DCC: variants seen among roughly 807,000 people sequenced by gnomAD.
The protein encoded by DCC is netrin receptor DCC.
A neutral mutation model predicts 172.5 loss-of-function variants in DCC; 58 were observed. The ratio of observed to expected loss-of-function variants is 0.34; its 90% CI spans 0.27 to 0.42. The LOEUF (loss-of-function observed/expected upper bound fraction) is 0.42, where lower values mean the gene tolerates loss of function less well. Ranked by LOEUF, DCC falls within the 10% of genes least tolerant of loss-of-function variation. DCC has a pLI of 1.00. For missense variants in DCC, 1,740 were observed against 1,791.0 expected (o/e 0.97, Z 0.51); for synonymous variants, 709 against 644.5 (o/e 1.10, Z -1.52).
intron 5 of DCC, among the ~76,000 whole-genome samples, chr18:52,997,137 A>T (rs970306579): frequency 4.6e-5 from 7 of 152,064 alleles, no homozygotes; most frequent in African/African-American, 1.7e-4. Context: ...CAATGTATCC[A>T]CTGAGTTAAA....
intron 5 of DCC, among the ~76,000 whole-genome samples, chr18:53,036,115 G>A (rs1174826544): frequency 3.3e-5 from 5 of 151,844 alleles, no homozygotes; most frequent in Non-Finnish European, 7.4e-5. Flanking sequence ...TTATATTATA[G>A]TGCCTGATTC....
intron 12 of DCC, among the ~76,000 whole-genome samples, chr18:53,239,107 T>C: frequency 6.6e-6 from 1 of 151,220 alleles, no homozygotes; most frequent in Non-Finnish European, 1.5e-5. Flanking sequence ...GACGAATTAA[T>C]GGGTGCAGCA....
chr18:52,850,298 A>G (rs188155865), intron 2 of DCC, among the ~76,000 whole-genome samples: 9 of 152,322 alleles, frequency 5.9e-5, no homozygotes, highest in Non-Finnish European at 1.2e-4. Flanking sequence ...GTGTATAAGA[A>G]ATTCAAGAGC....
intron 1 of DCC, among the ~76,000 whole-genome samples, chr18:52,650,055 C>T (rs113619550): frequency 0.064 from 9,677 of 150,152 alleles, 419 homozygotes; most frequent in Middle Eastern, 0.16. Context: ...CTCGGCTCAC[C>T]GCAACCTCTG....
At chr18:53,420,130 C>T (rs1910558164) in intron 21 of DCC, among the ~76,000 whole-genome samples, 1 of 152,132 alleles carries the variant, frequency 6.6e-6, no homozygotes, top group East Asian at 1.9e-4. Context: ...GCTGGGATTC[C>T]AGGAGTAAGC....
intron 7 of DCC, among the ~76,000 whole-genome samples, chr18:53,145,133 G>A: frequency 1.9e-4 from 1 of 5,306 alleles, no homozygotes; most frequent in African/African-American, 3.5e-4. Context: ...TTTTTTTTTT[G>A]AGACCGACTC....
chr18:52,435,784 C>T (rs1365462158), intron 1 of DCC, among the ~76,000 whole-genome samples: 1 of 152,158 alleles, frequency 6.6e-6, no homozygotes, highest in African/African-American at 2.4e-5. Context: ...GCAGGAAACT[C>T]CATTATAGAC....
At chr18:52,830,470 C>T (rs1255369049) in intron 2 of DCC, among the ~76,000 whole-genome samples, 1 of 152,084 alleles carries the variant, frequency 6.6e-6, no homozygotes, top group Non-Finnish European at 1.5e-5. Context: ...TTAATAGGAT[C>T]CCTCTGGCTG....
intron 3 of DCC, among the ~76,000 whole-genome samples, chr18:52,922,247 T>C (rs191585505): frequency 9.1e-4 from 138 of 152,214 alleles, no homozygotes; most frequent in African/African-American, 3.0e-3. Flanking sequence ...AAGTGTGAAA[T>C]TTTATTTCTC....
chr18:53,187,842 G>T (rs540839023), intron 9 of DCC, among the ~76,000 whole-genome samples: 5 of 152,182 alleles, frequency 3.3e-5, no homozygotes, highest in Non-Finnish European at 7.3e-5. Flanking sequence ...AGGCTATTCT[G>T]CAGGGAGCGG....
At chr18:52,805,235 G>C (rs2038064769) in intron 2 of DCC, among the ~76,000 whole-genome samples, 1 of 152,158 alleles carries the variant, frequency 6.6e-6, no homozygotes, top group Non-Finnish European at 1.5e-5. Flanking sequence ...AAATGGAATA[G>C]TTTCAGGATA....
intron 1 of DCC, among the ~76,000 whole-genome samples, chr18:52,367,605 A>T (rs1484511931): frequency 6.6e-6 from 1 of 152,178 alleles, no homozygotes; most frequent in Non-Finnish European, 1.5e-5. Flanking sequence ...CGGCAGAGCC[A>T]ATCTTCTTTT....
chr18:53,356,110 G>T (rs760486437), intron 15 of DCC, among the ~76,000 whole-genome samples: 2 of 151,668 alleles, frequency 1.3e-5, no homozygotes, highest in African/African-American at 2.4e-5. Context: ...GCTGGAGTGC[G>T]GTGGTGTGAT....
intron 23 of DCC, among the ~76,000 whole-genome samples, chr18:53,458,916 AG>A (rs1342402384): frequency 1.3e-5 from 2 of 152,140 alleles, no homozygotes; most frequent in Admixed American, 1.3e-4. Flanking sequence ...CTGGCTCCAA[AG>A]ATTGGCATAT....
chr18:53,494,133 G>A (rs1335802652), intron 26 of DCC, among the ~76,000 whole-genome samples: 1 of 152,116 alleles, frequency 6.6e-6, no homozygotes, highest in Non-Finnish European at 1.5e-5. Context: ...GTAGTTGTGT[G>A]GTTTTGAGTG....
At chr18:53,519,388 C>A (rs1481441843) in intron 27 of DCC, among the ~76,000 whole-genome samples, 1 of 152,000 alleles carries the variant, frequency 6.6e-6, no homozygotes, top group Non-Finnish European at 1.5e-5. Context: ...GCTTAGACTT[C>A]AGAGTGGGAA....
chr18:53,194,823 G>C (rs1189124694), intron 9 of DCC, among the ~76,000 whole-genome samples: 2 of 152,068 alleles, frequency 1.3e-5, no homozygotes, highest in Non-Finnish European at 2.9e-5. Flanking sequence ...CATCCTTTTA[G>C]GCATCTATGG....
At chr18:52,959,730 C>T (rs372990977) in intron 5 of DCC, among the ~76,000 whole-genome samples, 1 of 151,978 alleles carries the variant, frequency 6.6e-6, no homozygotes, top group African/African-American at 2.4e-5. Flanking sequence ...ATAATGGTTC[C>T]AATGATAAAA....
At chr18:52,974,110 A>G (rs1360620844) in intron 5 of DCC, among the ~76,000 whole-genome samples, 1 of 152,212 alleles carries the variant, frequency 6.6e-6, no homozygotes, top group Non-Finnish European at 1.5e-5. Flanking sequence ...ATACATGTAT[A>G]TAATATTGGT....
Sources: allele counts gnomAD v4.1 joint callset (sites outside exome capture counted in the v4.1 genomes callset), GRCh38; gene constraint gnomAD v4.1.1; transcripts MANE v1.5; gene names NCBI Gene and HGNC (gene_info 2026-07-23, HGNC 2026-07-21).